The following NRCAM variants were observed in gnomAD, a reference collection of about 807,000 sequenced individuals.
NRCAM encodes NgCAM-related cell adhesion molecule.
In NRCAM, 83 loss-of-function variants were observed where a neutral mutation model predicts 156.5. That is an observed-to-expected ratio of 0.53 (90% CI 0.44 to 0.64). NRCAM has a LOEUF of 0.64. NRCAM is among the 30% of genes least tolerant of loss of function. The pLI, the probability that NRCAM is intolerant of heterozygous loss-of-function variation, is 0.00. For synonymous variants in NRCAM, 538 were observed against 563.9 expected (o/e 0.95, Z 0.65); for missense variants, 1,417 against 1,597.3 (o/e 0.89, Z 1.92).
At chr7:108,283,569 A>G (rs1388940672) in intron 3 of NRCAM, among the ~76,000 whole-genome samples, 1 of 152,146 alleles carries the variant, frequency 6.6e-6, no homozygotes, top group Non-Finnish European at 1.5e-5. Context: ...GAGTAAAAGG[A>G]GATAGGTTTG....
chr7:108,225,534 T>C, intron 10 of NRCAM, 111 bp downstream of exon 10: 1 of 766,592 alleles, frequency 1.3e-6, no homozygotes, highest in Non-Finnish European at 2.3e-6. Flanking sequence ...GTATTTAACA[T>C]ATAACTAGAA....
chr7:108,385,646 G>A (rs941598238), intron 2 of NRCAM, among the ~76,000 whole-genome samples: 1 of 152,118 alleles, frequency 6.6e-6, no homozygotes, highest in Non-Finnish European at 1.5e-5. Flanking sequence ...CAGTAGATTA[G>A]TTCAATAATT....
chr7:108,360,727 G>A (rs543720989), intron 2 of NRCAM, among the ~76,000 whole-genome samples: 42 of 152,216 alleles, frequency 2.8e-4, no homozygotes, highest in African/African-American at 9.6e-4. Context: ...AGGGTGTCAG[G>A]ACAATTCAAT....
In NRCAM at chr7:108,182,794, T is replaced by G. The variant is rs1481119446; in HGVS notation, c.2431A>C (p.Thr811Pro). The part of the protein sequence containing the change: ...ANVSKYIVSG[T>P]PTFVPYLIKV... ...ATCAGGTATGGAACAAAGGTTGGCGTGCCTGAGACAATATATTTGGATACA... is the reference window on the plus strand; with the variant it reads ...ATCAGGTATGGAACAAAGGTTGGCGGGCCTGAGACAATATATTTGGATACA... Residue 811 changes from threonine to proline, a missense_variant, in exon 23 of 33, where the codon ACG becomes CCG. Thr to Pro is a conservative substitution (Grantham distance 38). This residue lies in a region of NRCAM where 1,238 missense variants were observed against 1,336.4 expected (regional missense o/e 0.93). Transcript: ENST00000379028. 1 of 1,614,250 alleles carries G rather than the reference T, an allele frequency of 6.2e-7. No homozygotes were observed. Among genetic ancestry groups the G allele is most frequent in the Admixed American group, 1.7e-5 (1 of 60,034 alleles).
At chr7:108,190,528 T>A (rs1022908153) in intron 19 of NRCAM, among the ~76,000 whole-genome samples, 5 of 152,192 alleles carry the variant, frequency 3.3e-5, no homozygotes, top group African/African-American at 9.7e-5. Flanking sequence ...AAGCACAGGT[T>A]TTATATTGGA....
intron 3 of NRCAM, among the ~76,000 whole-genome samples, chr7:108,240,917 T>A (rs1160053986): frequency 6.6e-6 from 1 of 152,216 alleles, no homozygotes; most frequent in Non-Finnish European, 1.5e-5. Flanking sequence ...GGTTTGATGA[T>A]GCATTTCTGT....
intron 2 of NRCAM, among the ~76,000 whole-genome samples, chr7:108,324,989 G>A (rs956666121): frequency 6.7e-6 from 1 of 149,958 alleles, no homozygotes; most frequent in Non-Finnish European, 1.5e-5. Context: ...AAAACAATAG[G>A]AGTGAAACCT....
At chr7:108,226,612 G>T (rs112593418) in intron 8 of NRCAM, among the ~76,000 whole-genome samples, 3,266 of 151,814 alleles carry the variant, frequency 0.022, 130 homozygotes, top group African/African-American at 0.074. Flanking sequence ...TGGGGGCAGA[G>T]GTGAGATTAG....
At chr7:108,207,964 GAA>G (rs2082026935) in intron 12 of NRCAM, among the ~76,000 whole-genome samples, 1 of 151,944 alleles carries the variant, frequency 6.6e-6, no homozygotes. Flanking sequence ...AGCATACAGA[GAA>G]AATTACATGT....
intron 1 of NRCAM, among the ~76,000 whole-genome samples, chr7:108,438,169 C>T (rs1237570089): frequency 6.6e-6 from 1 of 152,036 alleles, no homozygotes; most frequent in East Asian, 1.9e-4. Context: ...CACTTCCCAA[C>T]ACAATCTATA....
intron 1 of NRCAM, among the ~76,000 whole-genome samples, chr7:108,406,652 T>C (rs1201919098): frequency 6.6e-6 from 1 of 152,192 alleles, no homozygotes; most frequent in Non-Finnish European, 1.5e-5. Context: ...CTGGAGTCAG[T>C]CAAAATGAAA....
intron 3 of NRCAM, among the ~76,000 whole-genome samples, chr7:108,246,343 T>G (rs1472549905): frequency 6.6e-6 from 1 of 152,158 alleles, no homozygotes; most frequent in Non-Finnish European, 1.5e-5. Flanking sequence ...ATGTAGAGCC[T>G]GTGAGTTGAC....
At chr7:108,269,141 A>C (rs2097237069) in intron 3 of NRCAM, among the ~76,000 whole-genome samples, 1 of 151,878 alleles carries the variant, frequency 6.6e-6, no homozygotes, top group African/African-American at 2.4e-5. Context: ...CAAAAACTCG[A>C]ATCATGTCTT....
At chr7:108,382,274 A>T (rs1186487839) in intron 2 of NRCAM, among the ~76,000 whole-genome samples, 1 of 150,788 alleles carries the variant, frequency 6.6e-6, no homozygotes, top group African/African-American at 2.4e-5. Flanking sequence ...AGGTAAAGGT[A>T]GAGTTTGGTA....
At chr7:108,298,882 G>A (rs1327640939) in intron 3 of NRCAM, among the ~76,000 whole-genome samples, 3 of 150,990 alleles carry the variant, frequency 2.0e-5, no homozygotes, top group Non-Finnish European at 4.4e-5. Context: ...GAGGCGGGCA[G>A]ATCACCTGAG....
chr7:108,324,225 AG>A (rs1412841537), intron 2 of NRCAM, among the ~76,000 whole-genome samples: 1 of 152,082 alleles, frequency 6.6e-6, no homozygotes, highest in African/African-American at 2.4e-5. Context: ...ACCACATAAA[AG>A]GCTCTTACAA....
intron 3 of NRCAM, among the ~76,000 whole-genome samples, chr7:108,280,007 G>A (rs1490355820): frequency 2.0e-5 from 3 of 152,108 alleles, no homozygotes; most frequent in Non-Finnish European, 4.4e-5. Flanking sequence ...TGCACACTCC[G>A]CTTCAGCAGC....
chr7:108,302,063 A>C (rs1172170324), intron 3 of NRCAM, among the ~76,000 whole-genome samples: 1 of 151,918 alleles, frequency 6.6e-6, no homozygotes, highest in East Asian at 1.9e-4. Context: ...CAAAAAAAAA[A>C]ACCCACAACA....
chr7:108,238,750 T>G (rs1355156614), intron 4 of NRCAM, among the ~76,000 whole-genome samples: 1 of 152,120 alleles, frequency 6.6e-6, no homozygotes, highest in Non-Finnish European at 1.5e-5. Flanking sequence ...CTTAAGCAAT[T>G]GTATATTTTT....
Sources: allele counts gnomAD v4.1 joint callset (sites outside exome capture counted in the v4.1 genomes callset), GRCh38; gene constraint gnomAD v4.1.1; regional missense constraint gnomAD v4.1.1; transcripts MANE v1.5; gene names NCBI Gene and HGNC (gene_info 2026-07-23, HGNC 2026-07-21).